C8orf34: variants seen among roughly 807,000 people sequenced by gnomAD.
C8orf34 encodes chromosome 8 open reading frame 34.
In C8orf34, 65 loss-of-function variants were observed where a neutral mutation model predicts 68.3. The observed-to-expected ratio is 0.95, with a 90% CI of 0.78 to 1.17. C8orf34 has a LOEUF of 1.17. C8orf34 is among the 50% of genes most tolerant of loss of function. C8orf34 has a pLI of 0.00. For synonymous variants in C8orf34, 244 were observed against 241.2 expected (o/e 1.01, Z -0.11); for missense variants, 664 against 655.4 (o/e 1.01, Z -0.14).
chr8:68,773,161 C>A (rs533484448), intron 10 of C8orf34, among the ~76,000 whole-genome samples: 1 of 152,140 alleles, frequency 6.6e-6, no homozygotes, highest in Admixed American at 6.5e-5. Flanking sequence ...CATTAGCGAT[C>A]CCAGTGAGAG....
chr8:68,757,797 A>G lies in C8orf34; in HGVS notation c.1405-18602A>G, dbSNP rs181439139. 3.0e-3 allele frequency among the ~76,000 whole-genome samples: 453 copies of G among 152,342 alleles called. 3 individuals carry two copies. Among genetic ancestry groups the G allele is most frequent in the African/African-American group, 0.01 (436 of 41,576 alleles). ...GATAGAATGTGGACTGTGGAGTTCC[A>G]GAGACCCATGGTCAAATCTGGCTTG... On this transcript the variant is annotated intron_variant, in intron 10 of 13. Transcript: ENST00000518698.
At chr8:68,397,566 T>C (rs1254794303) in intron 1 of C8orf34, among the ~76,000 whole-genome samples, 1 of 152,170 alleles carries the variant, frequency 6.6e-6, no homozygotes, top group Non-Finnish European at 1.5e-5. Context: ...GGTATAATAA[T>C]TTATTCAGCC....
rs772019037 is a variant in C8orf34, at chr8:68,331,050, C to T, written c.38C>T (p.Ala13Val). 2.7e-6 allele frequency: 4 copies of T among 1,475,776 alleles called. No homozygotes were observed. Among genetic ancestry groups the T allele is most frequent in the South Asian group, 1.3e-5 (1 of 76,602 alleles). The allele number at this position is 1,475,776 out of a possible 1,614,324, so 91.4% of individuals were successfully genotyped here. The change falls in exon 1 of 14, where the codon GCG (alanine) becomes GTG (valine). Residue 13 changes from alanine (A) to valine (V), a missense_variant. Coordinates refer to ENST00000518698, the MANE Select transcript of C8orf34 (RefSeq NM_052958.4). ...SPLASELSEL[A>V]ALRPGFRLSA... ...CTCGCCTCGGAGTTGTCTGAGTTGG[C>T]GGCGCTGCGCCCAGGCTTCCGGCTC...
chr8:68,754,126 G>T (rs62520979), intron 10 of C8orf34, among the ~76,000 whole-genome samples: 1 of 152,078 alleles, frequency 6.6e-6, no homozygotes, highest in East Asian at 1.9e-4. Flanking sequence ...ATAAAAAAGG[G>T]CCGGGAGCAA....
At chr8:68,794,509 T>A (rs1320097345) in intron 12 of C8orf34, among the ~76,000 whole-genome samples, 73 of 96,628 alleles carry the variant, frequency 7.6e-4, no homozygotes, top group Non-Finnish European at 9.2e-4. Context: ...ATATATATTT[T>A]TTTTTTTTTT....
At chr8:68,727,609 C>A (rs1171401123) in intron 10 of C8orf34, among the ~76,000 whole-genome samples, 1 of 152,240 alleles carries the variant, frequency 6.6e-6, no homozygotes, top group Non-Finnish European at 1.5e-5. Flanking sequence ...CAAACTTTTG[C>A]CTAGGCATCC....
intron 1 of C8orf34, among the ~76,000 whole-genome samples, chr8:68,338,163 TGGCAGAA>T (rs1029672105): frequency 6.6e-6 from 1 of 152,200 alleles, no homozygotes; most frequent in Non-Finnish European, 1.5e-5. Context: ...TGTCCTCATA[TGGCAGAA>T]GGCAGAAGGC....
At chr8:68,545,982 T>C (rs1563521831) in intron 7 of C8orf34, among the ~76,000 whole-genome samples, 1 of 152,096 alleles carries the variant, frequency 6.6e-6, no homozygotes, top group African/African-American at 2.4e-5. Flanking sequence ...TTCTACATTA[T>C]TATAAGAGGT....
chr8:68,499,574 T>G (rs145619576), intron 5 of C8orf34, among the ~76,000 whole-genome samples: 59 of 152,264 alleles, frequency 3.9e-4, no homozygotes, highest in African/African-American at 1.4e-3. Flanking sequence ...AAGCCACAAA[T>G]TGGCAACCGT....
chr8:68,457,380 G>A (rs566620832), intron 3 of C8orf34, among the ~76,000 whole-genome samples: 1 of 152,218 alleles, frequency 6.6e-6, no homozygotes, highest in South Asian at 2.1e-4. Flanking sequence ...TATTATAACT[G>A]TAGTACTGGG....
intron 3 of C8orf34, among the ~76,000 whole-genome samples, chr8:68,454,984 C>G (rs1811488972): frequency 1.3e-5 from 2 of 151,744 alleles, no homozygotes; most frequent in South Asian, 4.2e-4. Flanking sequence ...TCTAATTTAT[C>G]TTGTGATTTC....
At chr8:68,374,579 C>T (rs566909591) in intron 1 of C8orf34, among the ~76,000 whole-genome samples, 38 of 152,188 alleles carry the variant, frequency 2.5e-4, no homozygotes, top group South Asian at 1.2e-3. Flanking sequence ...GGAGAGTGAA[C>T]CCTTGTGGAT....
chr8:68,709,178 G>T, intron 9 of C8orf34, 99 bp downstream of exon 9: 2 of 853,318 alleles, frequency 2.3e-6, no homozygotes, highest in Non-Finnish European at 3.8e-6. Context: ...TGCCTTGCAT[G>T]AATTCACTGC....
intron 1 of C8orf34, among the ~76,000 whole-genome samples, chr8:68,368,879 A>T (rs1402199854): frequency 6.6e-6 from 1 of 152,028 alleles, no homozygotes; most frequent in Non-Finnish European, 1.5e-5. Flanking sequence ...TTGGTTTAAG[A>T]TTTTTTTCCC....
At chr8:68,514,758 C>T (rs1041730825) in intron 5 of C8orf34, among the ~76,000 whole-genome samples, 2 of 152,052 alleles carry the variant, frequency 1.3e-5, no homozygotes. Context: ...CTTTTGTAGT[C>T]CATAAAATTT....
At chr8:68,653,705 A>G (rs938320336) in intron 8 of C8orf34, among the ~76,000 whole-genome samples, 1 of 152,154 alleles carries the variant, frequency 6.6e-6, no homozygotes, top group Non-Finnish European at 1.5e-5. Flanking sequence ...AATTGCGTTC[A>G]TGAGGGATCT....
intron 7 of C8orf34, among the ~76,000 whole-genome samples, chr8:68,558,091 C>A (rs1222979353): frequency 1.3e-5 from 2 of 152,158 alleles, no homozygotes; most frequent in African/African-American, 2.4e-5. Flanking sequence ...GGTACTTCAT[C>A]TGGCTTTCAT....
At chr8:68,396,287 A>G (rs1808703823) in intron 1 of C8orf34, among the ~76,000 whole-genome samples, 1 of 152,070 alleles carries the variant, frequency 6.6e-6, no homozygotes, top group Admixed American at 6.6e-5. Context: ...AAAATTTATA[A>G]TATTTCCTGA....
At chr8:68,484,807 TAAAAAA>T (rs5892146) in intron 4 of C8orf34, among the ~76,000 whole-genome samples, 4 of 151,838 alleles carry the variant, frequency 2.6e-5, no homozygotes, top group Non-Finnish European at 4.4e-5. Flanking sequence ...AATAAGAAGT[TAAAAAA>T]AATGCCCTAG....
Sources: allele counts gnomAD v4.1 joint callset (sites outside exome capture counted in the v4.1 genomes callset), GRCh38; gene constraint gnomAD v4.1.1; transcripts MANE v1.5; gene names NCBI Gene and HGNC (gene_info 2026-07-23, HGNC 2026-07-21).